Variants in FHOD3 observed in about 807,000 individuals in gnomAD.
FHOD3 encodes formin homology 2 domain containing 3, also known as FH1/FH2 domain-containing protein 3.
Under a neutral mutation model 173.0 loss-of-function variants are expected in FHOD3, and 90 were observed. That is an observed-to-expected ratio of 0.52 (90% CI 0.44 to 0.62). The LOEUF (loss-of-function observed/expected upper bound fraction) is 0.62, where lower values mean the gene tolerates loss of function less well. Among genes scored for constraint, FHOD3 ranks in the 20% least tolerant of loss-of-function variants. The probability of loss-of-function intolerance (pLI) is 0.00; values close to 1 mark genes in which losing one functional copy is unlikely to be tolerated. For synonymous variants in FHOD3, 828 were observed against 823.0 expected, an observed-to-expected ratio of 1.01 and a Z score of -0.10; for missense variants, 1,945 against 2,034.7, an observed-to-expected ratio of 0.96 and a Z score of 0.85.
At chr18:36,315,118 G>C (rs2044055376) in intron 1 of FHOD3, among the ~76,000 whole-genome samples, 1 of 150,556 alleles carries the variant, frequency 6.6e-6, no homozygotes, top group Non-Finnish European at 1.5e-5. Context: ...CCTGGTCTCA[G>C]CCTACTCTCC....
chr18:36,458,880 G>A (rs2052385106), intron 3 of FHOD3, among the ~76,000 whole-genome samples: 1 of 152,182 alleles, frequency 6.6e-6, no homozygotes, highest in Non-Finnish European at 1.5e-5. Flanking sequence ...TTTGAGCTGT[G>A]TAATTATTTC....
At chr18:36,313,094 T>G (rs2092294849) in intron 1 of FHOD3, among the ~76,000 whole-genome samples, 1 of 152,184 alleles carries the variant, frequency 6.6e-6, no homozygotes, top group Admixed American at 6.5e-5. Flanking sequence ...TCAGGGTAGG[T>G]GGACTTCTTA....
chr18:36,598,114 A>T (rs1311435273), intron 7 of FHOD3, among the ~76,000 whole-genome samples: 1 of 152,218 alleles, frequency 6.6e-6, no homozygotes, highest in Non-Finnish European at 1.5e-5. Flanking sequence ...CAGGTGCCAG[A>T]GGTGATTTAG....
At chr18:36,502,109 C>T (rs2055061523) in intron 4 of FHOD3, 110 bp downstream of exon 4, 1 of 594,102 alleles carries the variant, frequency 1.7e-6, no homozygotes. Flanking sequence ...ATTTAGATTA[C>T]AATATTTATA....
chr18:36,378,251 G>T (rs964307782), intron 3 of FHOD3, among the ~76,000 whole-genome samples: 1 of 152,008 alleles, frequency 6.6e-6, no homozygotes, highest in Non-Finnish European at 1.5e-5. Flanking sequence ...CCAGTGCTTG[G>T]TCCTTTAAAA....
At chr18:36,409,872 G>A (rs939904169) in intron 3 of FHOD3, among the ~76,000 whole-genome samples, 1 of 152,140 alleles carries the variant, frequency 6.6e-6, no homozygotes, top group Admixed American at 6.5e-5. Context: ...CTGCCCCTCT[G>A]TTGACCTAAT....
chr18:36,480,048 G>A (rs892900757), intron 3 of FHOD3, among the ~76,000 whole-genome samples: 2 of 152,194 alleles, frequency 1.3e-5, no homozygotes, highest in Admixed American at 6.5e-5. Flanking sequence ...ATTGTAAAGA[G>A]AAACAAATTA....
intron 23 of FHOD3, among the ~76,000 whole-genome samples, chr18:36,746,053 T>A (rs1405199176): frequency 1.3e-5 from 2 of 152,054 alleles, no homozygotes; most frequent in African/African-American, 4.8e-5. Context: ...CTCTGATGTA[T>A]TTTTTTCATG....
At chr18:36,690,950 A>G (rs1329150336) in intron 16 of FHOD3, among the ~76,000 whole-genome samples, 1 of 152,200 alleles carries the variant, frequency 6.6e-6, no homozygotes, top group Non-Finnish European at 1.5e-5. Context: ...TAACACATAA[A>G]CATCATGTTT....
chr18:36,569,194 A>G (rs746920906), intron 5 of FHOD3, among the ~76,000 whole-genome samples: 1 of 152,226 alleles, frequency 6.6e-6, no homozygotes, highest in Non-Finnish European at 1.5e-5. Context: ...ACATTAATGA[A>G]TAAATGAAAC....
chr18:36,620,399 G>C (rs1014324762), intron 9 of FHOD3, among the ~76,000 whole-genome samples: 1 of 152,124 alleles, frequency 6.6e-6, no homozygotes, highest in Admixed American at 6.5e-5. Flanking sequence ...TTTCCCTAAG[G>C]CTCCTTGGCA....
intron 7 of FHOD3, among the ~76,000 whole-genome samples, chr18:36,596,324 T>A (rs1473549563): frequency 1.0e-4 from 6 of 58,956 alleles, no homozygotes; most frequent in African/African-American, 2.6e-4. Flanking sequence ...CCAGCTAATT[T>A]TTTTTTTTTT....
At chr18:36,482,583 A>C (rs542018294) in intron 3 of FHOD3, among the ~76,000 whole-genome samples, 1 of 152,172 alleles carries the variant, frequency 6.6e-6, no homozygotes, top group Non-Finnish European at 1.5e-5. Flanking sequence ...GGCTGGCGAC[A>C]GGGTTCTACC....
chr18:36,319,247 C>T lies in FHOD3; in HGVS notation c.165+21247C>T, dbSNP rs184160043. On this transcript the variant is annotated intron_variant, in intron 1 of 28. Coordinates refer to ENST00000590592, the MANE Select transcript of FHOD3 (RefSeq NM_001281740.3). Reference sequence around the variant, plus strand: ...GACCCATCTCACGTGAAAAGACACACATAGGCTCAAAATAAAGGGATGGAG... The same window carrying T: ...GACCCATCTCACGTGAAAAGACACATATAGGCTCAAAATAAAGGGATGGAG... 2.6e-5 allele frequency among the ~76,000 whole-genome samples: 4 copies of T among 152,154 alleles called. No homozygotes were observed. In the East Asian group the frequency reaches 7.7e-4, roughly 29 times the overall value.
At chr18:36,605,643 CA>C (rs369533272) in intron 8 of FHOD3, among the ~76,000 whole-genome samples, 24 of 148,270 alleles carry the variant, frequency 1.6e-4, no homozygotes, top group South Asian at 1.3e-3. Flanking sequence ...TTTTCACACA[CA>C]AAAAAAAAAA....
chr18:36,335,067 T>C (rs550126132), intron 1 of FHOD3, among the ~76,000 whole-genome samples: 1 of 152,338 alleles, frequency 6.6e-6, no homozygotes, highest in South Asian at 2.1e-4. Flanking sequence ...GCTAGGCTCA[T>C]GGATGCACAT....
intron 2 of FHOD3, among the ~76,000 whole-genome samples, chr18:36,365,557 G>A (rs905213065): frequency 4.6e-5 from 7 of 152,024 alleles, no homozygotes; most frequent in Non-Finnish European, 8.8e-5. Flanking sequence ...AAGGTTTGGG[G>A]GTGTTTTTGC....
chr18:36,584,440 G>A (rs771048929), intron 6 of FHOD3, among the ~76,000 whole-genome samples: 3 of 152,166 alleles, frequency 2.0e-5, no homozygotes, highest in African/African-American at 4.8e-5. Context: ...AGCATGAGAT[G>A]TACTCAGCCA....
At chr18:36,400,063 C>T (rs2048733591) in intron 3 of FHOD3, among the ~76,000 whole-genome samples, 1 of 152,008 alleles carries the variant, frequency 6.6e-6, no homozygotes, top group African/African-American at 2.4e-5. Context: ...TCTATCACCC[C>T]TCAGCTCCCC....
Sources: gnomAD v4.1 joint callset for allele counts (sites outside exome capture counted in the v4.1 genomes callset) on GRCh38, gnomAD v4.1.1 for gene constraint, MANE v1.5 for transcripts, NCBI Gene and HGNC (gene_info 2026-07-23, HGNC 2026-07-21) for gene names.